Variants in NME7 observed in about 807,000 individuals in gnomAD.
The protein encoded by NME7 is NME/NM23 family member 7.
A neutral mutation model predicts 49.1 loss-of-function variants in NME7; 41 were observed. The ratio of observed to expected loss-of-function variants is 0.83; its 90% CI spans 0.65 to 1.08. The LOEUF (loss-of-function observed/expected upper bound fraction) is 1.08. Ranked by LOEUF, NME7 falls within the 50% of genes least tolerant of loss-of-function variation. NME7 has a pLI of 0.00. For missense variants in NME7, 423 were observed against 463.4 expected, an observed-to-expected ratio of 0.91 and a Z score of 0.80; for synonymous variants, 139 against 150.6, an observed-to-expected ratio of 0.92 and a Z score of 0.56.
rs370938494 is a variant in NME7 at position 169,324,971 on chromosome 1, AT to A, written c.4-472del. On this transcript the variant is annotated intron_variant, in intron 1 of 11. Coordinates refer to ENST00000367811, the MANE Select transcript of NME7 (RefSeq NM_013330.5). ...TATTACCATTAAAATTATAGCAAACATTTTTTTTTCCTTAGTAATTTCATAT... is the reference window on the plus strand; with the variant it reads ...TATTACCATTAAAATTATAGCAAACATTTTTTTTCCTTAGTAATTTCATAT... 3.5e-3 allele frequency among the ~76,000 whole-genome samples: 526 copies of A among 151,384 alleles called. 3 individuals are homozygous for A. The highest frequency in any genetic ancestry group is 0.011 in the African/African-American group (471 of 41,260).
intron 11 of NME7, among the ~76,000 whole-genome samples, chr1:169,158,155 C>T (rs1258542476): frequency 1.3e-5 from 2 of 152,104 alleles, no homozygotes; most frequent in Non-Finnish European, 2.9e-5. Flanking sequence ...AGTAGTGCCC[C>T]CTTATAAGTG....
intron 1 of NME7, among the ~76,000 whole-genome samples, chr1:169,339,900 T>A (rs965115394): frequency 5.3e-5 from 8 of 152,290 alleles, no homozygotes; most frequent in Middle Eastern, 3.4e-3. Flanking sequence ...ATTGGTTAAG[T>A]TTCTCCTCTG....
At chr1:169,241,729 A>C (rs1648096750) in intron 7 of NME7, among the ~76,000 whole-genome samples, 1 of 151,844 alleles carries the variant, frequency 6.6e-6, no homozygotes, top group Admixed American at 6.6e-5. Flanking sequence ...CTCAGACTTT[A>C]AAAATCACAT....
At chr1:169,367,261 G>C (rs568009158) in intron 1 of NME7, among the ~76,000 whole-genome samples, 41 of 152,260 alleles carry the variant, frequency 2.7e-4, no homozygotes, top group East Asian at 3.9e-4. Context: ...TGGCCCTCGT[G>C]GGGGCGTGGG....
At chr1:169,199,450 TTTATTATTATTATTATTATTATTATTA>T (rs150975177) in intron 10 of NME7, among the ~76,000 whole-genome samples, 1 of 111,558 alleles carries the variant, frequency 9.0e-6, no homozygotes, top group Non-Finnish European at 1.9e-5. Flanking sequence ...CAGGGTCTTT[TTTATTATTATTATTATTATTATTATTA>T]TTATTATTAT....
At chr1:169,309,717 T>C (rs1428319048) in intron 4 of NME7, among the ~76,000 whole-genome samples, 2 of 152,154 alleles carry the variant, frequency 1.3e-5, no homozygotes, top group Non-Finnish European at 1.5e-5. Flanking sequence ...CCTGCACTGC[T>C]TGATACTCAC....
At chr1:169,205,246 T>G (rs759616445) in intron 10 of NME7, among the ~76,000 whole-genome samples, 6 of 152,158 alleles carry the variant, frequency 3.9e-5, no homozygotes, top group Non-Finnish European at 7.3e-5. Flanking sequence ...TTTCCCATGA[T>G]CTTATGTAAT....
intron 4 of NME7, among the ~76,000 whole-genome samples, chr1:169,306,978 T>G (rs909088418): frequency 2.0e-5 from 3 of 152,202 alleles, no homozygotes; most frequent in African/African-American, 7.2e-5. Context: ...TCATCCCAAC[T>G]GTCAGGAGAC....
At position 169,174,864 on chromosome 1, in the gene NME7, A is replaced by T. The variant is rs530650619; in HGVS notation, c.991-5310T>A. On this transcript the variant is annotated intron_variant, in intron 10 of 11. Coordinates refer to ENST00000367811, the MANE Select transcript of NME7 (RefSeq NM_013330.5). ...TGGTGAGTGAGTGTGAGGGCCTAGG[A>T]CATTACTGTATACTACTGCAGACTT... Among the ~76,000 whole-genome samples, 251 of 152,304 alleles carry T rather than the reference A, an allele frequency of 1.6e-3. 1 individual carries two copies. Among genetic ancestry groups the T allele is most frequent in the Middle Eastern group, 6.8e-3 (2 of 294 alleles).
intron 10 of NME7, among the ~76,000 whole-genome samples, chr1:169,207,571 A>G (rs376677204): frequency 2.8e-4 from 43 of 152,296 alleles, no homozygotes; most frequent in African/African-American, 9.9e-4. Flanking sequence ...ACAACAAAGA[A>G]AAACAAAACA....
chr1:169,274,294 T>C (rs1226650248), intron 7 of NME7, among the ~76,000 whole-genome samples: 1 of 133,124 alleles, frequency 7.5e-6, no homozygotes, highest in African/African-American at 2.6e-5. Flanking sequence ...ATATTCTTTG[T>C]CCACTTTTTG....
chr1:169,171,241 G>A (rs984728548), intron 10 of NME7, among the ~76,000 whole-genome samples: 2 of 152,066 alleles, frequency 1.3e-5, no homozygotes, highest in Admixed American at 6.6e-5. Context: ...AGTGGTGCAC[G>A]CCTGTAGTCC....
intron 1 of NME7, among the ~76,000 whole-genome samples, chr1:169,339,347 G>T (rs1458236576): frequency 6.6e-6 from 1 of 152,130 alleles, no homozygotes; most frequent in Non-Finnish European, 1.5e-5. Context: ...ACCCATGAGA[G>T]ATCACTTGCC....
At chr1:169,299,892 C>T (rs1303732174) in intron 5 of NME7, among the ~76,000 whole-genome samples, 1 of 151,964 alleles carries the variant, frequency 6.6e-6, no homozygotes, top group Non-Finnish European at 1.5e-5. Context: ...ATCAAAGGAG[C>T]AAACCATGTT....
chr1:169,367,774 CCAT>C lies in NME7; in HGVS notation c.-67_-65del. 6.3e-7 allele frequency: 1 copy of C among 1,595,194 alleles called. No individual in the cohort carries two copies. The highest frequency in any genetic ancestry group is 8.6e-7 in the Non-Finnish European group (1 of 1,163,258). On this transcript the variant is annotated 5_prime_UTR_variant, in exon 1 of 12. The change abolishes an upstream ATG in the 5' untranslated region. Transcript: ENST00000367811. ...AGACAGGAAGACACCACCACCACCA[CCAT>C]CATACGGTTACTCAGGCAACAAAGC...
At chr1:169,251,270 T>C (rs1446027018) in intron 7 of NME7, among the ~76,000 whole-genome samples, 1 of 152,140 alleles carries the variant, frequency 6.6e-6, no homozygotes, top group Non-Finnish European at 1.5e-5. Context: ...TAAAATCTGT[T>C]TTATCTGATA....
intron 1 of NME7, among the ~76,000 whole-genome samples, chr1:169,324,905 G>T (rs1020010787): frequency 1.3e-5 from 2 of 151,620 alleles, no homozygotes; most frequent in African/African-American, 4.9e-5. Flanking sequence ...ATTATATGAA[G>T]TTTTGACTTC....
At chr1:169,245,815 G>T (rs1415612240) in intron 7 of NME7, among the ~76,000 whole-genome samples, 1 of 152,106 alleles carries the variant, frequency 6.6e-6, no homozygotes, top group East Asian at 1.9e-4. Flanking sequence ...ACATATAAAA[G>T]AAATCACAAG....
chr1:169,334,817 T>C (rs1441184780), intron 1 of NME7, among the ~76,000 whole-genome samples: 2 of 152,030 alleles, frequency 1.3e-5, no homozygotes, highest in African/African-American at 4.8e-5. Context: ...AATCTACCCA[T>C]CTGAAAAGGT....
Sources: gnomAD v4.1 joint callset for allele counts (sites outside exome capture counted in the v4.1 genomes callset) on GRCh38, gnomAD v4.1.1 for gene constraint, MANE v1.5 for transcripts, NCBI Gene and HGNC (gene_info 2026-07-23, HGNC 2026-07-21) for gene names.